Variants in ZNF280D observed in about 807,000 individuals in gnomAD.
The protein encoded by ZNF280D is zinc finger protein 280D.
Under a neutral mutation model 94.7 loss-of-function variants are expected in ZNF280D, and 39 were observed. That is an observed-to-expected ratio of 0.41 (90% CI 0.32 to 0.54). The LOEUF (loss-of-function observed/expected upper bound fraction) is 0.54, where lower values mean the gene tolerates loss of function less well. Among genes scored for constraint, ZNF280D ranks in the 20% least tolerant of loss-of-function variants. The pLI, the probability that ZNF280D is intolerant of heterozygous loss-of-function variation, is 0.22. For missense variants in ZNF280D, 1,090 were observed against 1,149.3 expected (o/e 0.95, Z 0.75); for synonymous variants, 398 against 377.6 (o/e 1.05, Z -0.63).
chr15:56,659,913 A>AT (rs35063972), intron 16 of ZNF280D, among the ~76,000 whole-genome samples: 4,599 of 151,522 alleles, frequency 0.03, 292 homozygotes, highest in Admixed American at 0.15. Context: ...GGAAAAAAAA[A>AT]ATATATATAT....
In ZNF280D at chr15:56,676,680, A is replaced by G; in HGVS notation, c.1400T>C (p.Met467Thr). The G allele has an allele frequency of 6.2e-7, 1 of 1,606,194 alleles. No individual in the cohort carries two copies. The highest frequency in any genetic ancestry group is 8.5e-7 in the Non-Finnish European group (1 of 1,177,194). ...KIATPYMHHYMKHQKKGIHRC... is the reference protein window; with the variant it reads ...KIATPYMHHYTKHQKKGIHRC... ...ACTGGTAAATCTCACCTGATGCTTCATATAATGATGCATATATGGTGTTGC... is the reference window on the plus strand; with the variant it reads ...ACTGGTAAATCTCACCTGATGCTTCGTATAATGATGCATATATGGTGTTGC... The change falls in exon 13 of 22, where the codon ATG (methionine) becomes ACG (threonine). Residue 467 changes from methionine to threonine, a missense_variant. Physicochemically the swap from Met to Thr is moderately conservative, Grantham distance 81. Coordinates refer to ENST00000267807, the MANE Select transcript of ZNF280D (RefSeq NM_017661.4).
Position 56,733,503 on chromosome 15 carries a change from G to A in ZNF280D, c.-131C>T. 19 of 1,147,198 alleles carry A rather than the reference G, an allele frequency of 1.7e-5. No individual in the cohort carries two copies. Among genetic ancestry groups the A allele is most frequent in the Non-Finnish European group, 2.1e-5 (19 of 920,876 alleles). The allele number at this position is 1,147,198 out of a possible 1,614,324, so 71.1% of individuals were successfully genotyped here. On this transcript the variant is annotated 5_prime_UTR_variant, in exon 1 of 22. Coordinates refer to ENST00000267807, the MANE Select transcript of ZNF280D (RefSeq NM_017661.4). ...CTGACTGGAGCCCTGAGGAGGAGGA[G>A]AAAGAGGAGGAGGAAAAGGAGGAGC...
intron 6 of ZNF280D, among the ~76,000 whole-genome samples, chr15:56,694,101 G>T (rs897002646): frequency 5.9e-5 from 9 of 152,042 alleles, no homozygotes; most frequent in African/African-American, 2.2e-4. Flanking sequence ...AGAAAGGGTG[G>T]TCCAAACTAA....
intron 7 of ZNF280D, among the ~76,000 whole-genome samples, chr15:56,692,112 T>C (rs1490634625): frequency 6.6e-6 from 1 of 152,142 alleles, no homozygotes; most frequent in Non-Finnish European, 1.5e-5. Flanking sequence ...TTTCTATGAA[T>C]AAATCTACAT....
chr15:56,669,891 TA>T (rs1401245926), intron 13 of ZNF280D, among the ~76,000 whole-genome samples: 1 of 8,152 alleles, frequency 1.2e-4, no homozygotes, highest in African/African-American at 4.5e-4. Flanking sequence ...ATATATATTA[TA>T]TATATATATA....
intron 7 of ZNF280D, 28 bp from the exon 8 acceptor site, chr15:56,689,498 T>C: frequency 7.5e-7 from 1 of 1,332,210 alleles, no homozygotes; most frequent in Non-Finnish European, 1.0e-6. Context: ...GTGAGAAAAA[T>C]ATTTTTTAAA....
chr15:56,659,471 CAT>C (rs1413447951), intron 16 of ZNF280D, among the ~76,000 whole-genome samples: 2 of 151,850 alleles, frequency 1.3e-5, no homozygotes, highest in African/African-American at 4.8e-5. Flanking sequence ...AGACTACGTT[CAT>C]ATAATTTTTA....
At chr15:56,693,931 A>G (rs1357969902) in intron 6 of ZNF280D, among the ~76,000 whole-genome samples, 1 of 152,192 alleles carries the variant, frequency 6.6e-6, no homozygotes, top group African/African-American at 2.4e-5. Context: ...CTTCTGTCTT[A>G]TCAGGCAAAT....
In ZNF280D at chr15:56,728,716, T is replaced by C. The variant is rs78455036; in HGVS notation, c.-86+4742A>G. Among the ~76,000 whole-genome samples the C allele has an allele frequency of 2.5e-4, 38 of 152,324 alleles. No individual in the cohort carries two copies. In the East Asian group the frequency reaches 6.4e-3, roughly 26 times the overall value. On this transcript the variant is annotated intron_variant, in intron 1 of 21. Transcript: ENST00000267807. ...GTCTCCAACTTAAGATGGTTCAACT[T>C]ACAACAATTTTCAACTTTATAATGG...
intron 1 of ZNF280D, chr15:56,724,808 A>G: frequency 2.3e-6 from 1 of 436,034 alleles, no homozygotes; most frequent in South Asian, 1.6e-5. Context: ...AGACACTACA[A>G]TGTAGTGTCA....
At chr15:56,655,274 C>T (rs1566940518) in intron 17 of ZNF280D, among the ~76,000 whole-genome samples, 1 of 152,320 alleles carries the variant, frequency 6.6e-6, no homozygotes, top group East Asian at 1.9e-4. Context: ...GTGGCGTGAT[C>T]TCAGCTCACT....
At chr15:56,689,778 C>CAAA (rs1566986602) in intron 7 of ZNF280D, among the ~76,000 whole-genome samples, 1 of 149,994 alleles carries the variant, frequency 6.7e-6, no homozygotes. Flanking sequence ...TATTCCAAGC[C>CAAA]AAAAAAAAAA....
At chr15:56,693,005 A>G in intron 7 of ZNF280D, 93 bp downstream of exon 7, 1 of 701,382 alleles carries the variant, frequency 1.4e-6, no homozygotes, top group East Asian at 3.2e-5. Context: ...AACTTCACAC[A>G]AGGGTAGGGA....
intron 19 of ZNF280D, among the ~76,000 whole-genome samples, chr15:56,648,716 A>G (rs763489390): frequency 6.6e-6 from 1 of 152,222 alleles, no homozygotes; most frequent in Non-Finnish European, 1.5e-5. Context: ...AAATAAATGC[A>G]AAACACTTAG....
At chr15:56,657,275 T>A (rs1403703266) in intron 17 of ZNF280D, among the ~76,000 whole-genome samples, 1 of 152,136 alleles carries the variant, frequency 6.6e-6, no homozygotes, top group African/African-American at 2.4e-5. Context: ...TCTTTCAGTA[T>A]AGTAAAATTG....
chr15:56,633,938 C>T lies in ZNF280D; in HGVS notation c.2315+1257G>A, dbSNP rs1263341210. 4.6e-5 allele frequency: 7 copies of T among 152,038 alleles called. No individual in the cohort carries two copies. The East Asian group carries it at 1.3e-3, about 29-fold the overall frequency. 9.4% of individuals were successfully genotyped at this position (152,038 alleles called of 1,614,324 possible). On this transcript the variant is annotated intron_variant, in intron 21 of 21. Coordinates refer to ENST00000267807, the MANE Select transcript of ZNF280D (RefSeq NM_017661.4). ...TTCATAATTTAATTTGTAAAATAGTCTATCATGTAGTTAATATATTATTTT... is the reference window on the plus strand; with the variant it reads ...TTCATAATTTAATTTGTAAAATAGTTTATCATGTAGTTAATATATTATTTT...
At chr15:56,689,666 A>G (rs1309242899) in intron 7 of ZNF280D, among the ~76,000 whole-genome samples, 196 bp from the exon 8 acceptor site, 4 of 152,092 alleles carry the variant, frequency 2.6e-5, no homozygotes, top group African/African-American at 9.7e-5. Context: ...GACTACATAC[A>G]TTTAAATAAT....
At chr15:56,700,492 T>A in intron 6 of ZNF280D, 8 of 996,360 alleles carry the variant, frequency 8.0e-6, no homozygotes, top group Non-Finnish European at 9.6e-6. Flanking sequence ...AAGTGGGAGT[T>A]TTTTGTAATA....
chr15:56,660,170 A>G (rs1373615726), intron 16 of ZNF280D, among the ~76,000 whole-genome samples: 3 of 152,244 alleles, frequency 2.0e-5, no homozygotes, highest in East Asian at 1.9e-4. Flanking sequence ...ATACACAACT[A>G]TATTTCCTCA....
Sources: allele counts gnomAD v4.1 joint callset (sites outside exome capture counted in the v4.1 genomes callset), GRCh38; gene constraint gnomAD v4.1.1; transcripts MANE v1.5; gene names NCBI Gene and HGNC (gene_info 2026-07-23, HGNC 2026-07-21).